Variants in SLC6A6 observed in about 807,000 individuals in gnomAD.
The protein encoded by SLC6A6 is solute carrier family 6 member 6, also known as sodium- and chloride-dependent taurine transporter.
Under a neutral mutation model 68.8 loss-of-function variants are expected in SLC6A6, and 16 were observed. That is an observed-to-expected ratio of 0.23 (90% CI 0.16 to 0.35). The LOEUF (loss-of-function observed/expected upper bound fraction) is 0.35. Ranked by LOEUF, SLC6A6 falls within the 10% of genes least tolerant of loss-of-function variation. The pLI is 1.00. For missense variants in SLC6A6, 474 were observed against 802.8 expected (o/e 0.59, Z 4.95); for synonymous variants, 312 against 315.4 (o/e 0.99, Z 0.12).
rs1030952968 is a variant in SLC6A6 at position 14,486,231 on chromosome 3, G to A, written c.*1224G>A. On this transcript the variant is annotated 3_prime_UTR_variant, in exon 15 of 15. Transcript: ENST00000622186. ...TCTCAGCCTGGGAGACTCCTGCCAA[G>A]CCCTCATTAAAGATGCCACCCTGGG... 2 of 152,630 alleles carry A rather than the reference G, an allele frequency of 1.3e-5. No individual in the cohort carries two copies. The highest frequency in any genetic ancestry group is 4.8e-5 in the African/African-American group (2 of 41,436). The allele number at this position is 152,630 out of a possible 1,614,324, so 9.5% of individuals were successfully genotyped here. A position where few individuals can be genotyped will look rare whatever the true frequency, so the allele number is the denominator to read the frequency against.
intron 6 of SLC6A6, among the ~76,000 whole-genome samples, chr3:14,459,237 G>A (rs547854058): frequency 3.0e-4 from 45 of 152,298 alleles, no homozygotes; most frequent in Admixed American, 2.4e-3. Context: ...TCAAAGGAGC[G>A]TCTTAAGGTA....
intron 13 of SLC6A6, among the ~76,000 whole-genome samples, chr3:14,480,089 T>C (rs1383956373): frequency 1.3e-5 from 2 of 152,232 alleles, no homozygotes; most frequent in Non-Finnish European, 2.9e-5. Flanking sequence ...CTTCCCTCTG[T>C]GAGCCTCAGT....
At chr3:14,416,492 A>T in intron 2 of SLC6A6, 39 bp downstream of exon 2, 1 of 398,630 alleles carries the variant, frequency 2.5e-6, no homozygotes, top group Non-Finnish European at 4.4e-6. Flanking sequence ...TGGGTGTCTC[A>T]CACGTTGTGC....
intron 5 of SLC6A6, among the ~76,000 whole-genome samples, chr3:14,448,688 A>G (rs1184589924): frequency 6.6e-6 from 1 of 152,238 alleles, no homozygotes; most frequent in Non-Finnish European, 1.5e-5. Context: ...TCTTCATGAG[A>G]GGAGTGAAGA....
At chr3:14,436,590 A>ATTTTTTTTTTT (rs1699860404) in intron 2 of SLC6A6, among the ~76,000 whole-genome samples, 10 of 110,828 alleles carry the variant, frequency 9.0e-5, no homozygotes, top group Non-Finnish European at 1.7e-4. Context: ...TTGGTGCTTA[A>ATTTTTTTTTTT]TTGTTAAACA....
rs999831942 is a variant in SLC6A6 at position 14,487,146 on chromosome 3, C to T, written c.*2139C>T. 7.2e-5 allele frequency: 11 copies of T among 152,672 alleles called. No individual in the cohort carries two copies. The highest frequency in any genetic ancestry group is 2.7e-4 in the African/African-American group (11 of 41,456). 9.5% of individuals were successfully genotyped at this position (152,672 alleles called of 1,614,324 possible). On this transcript the variant is annotated 3_prime_UTR_variant, in exon 15 of 15. Coordinates refer to ENST00000622186, the MANE Select transcript of SLC6A6 (RefSeq NM_003043.6). Reference sequence around the variant, plus strand: ...TGTGGTCATTTCAGTTTCCATCTCCCCAGCGGGGGCTCCCTGGGTGAAAGG... The same window carrying T: ...TGTGGTCATTTCAGTTTCCATCTCCTCAGCGGGGGCTCCCTGGGTGAAAGG...
chr3:14,467,782 C>T (rs1037616755), intron 7 of SLC6A6, 71 bp from the exon 8 acceptor site: 9 of 890,656 alleles, frequency 1.0e-5, no homozygotes, highest in Admixed American at 4.6e-5. Context: ...ACATAACCCT[C>T]GCTGCCTCCT....
chr3:14,476,793 G>A (rs1700888226), intron 10 of SLC6A6, among the ~76,000 whole-genome samples: 1 of 152,270 alleles, frequency 6.6e-6, no homozygotes, highest in Non-Finnish European at 1.5e-5. Flanking sequence ...AGATCAGTGA[G>A]GGAGGTTGTC....
chr3:14,409,568 C>T (rs916518293), intron 1 of SLC6A6, among the ~76,000 whole-genome samples: 1 of 152,258 alleles, frequency 6.6e-6, no homozygotes, highest in Non-Finnish European at 1.5e-5. Context: ...GGCAAACGTT[C>T]ATGAGTGCCT....
At chr3:14,456,425 T>G (rs942193082) in intron 5 of SLC6A6, among the ~76,000 whole-genome samples, 9 of 152,172 alleles carry the variant, frequency 5.9e-5, no homozygotes, top group African/African-American at 2.2e-4. Context: ...CAACAGGTCT[T>G]TATTGAGGTC....
chr3:14,484,968 C>G lies in SLC6A6; in HGVS notation c.1824C>G (p.Leu608=). ...YNSRTVMNGA[L]VKPTHIIVET... The stretch of plus-strand genomic sequence containing the variant: ...CTCGCACCGTCATGAACGGCGCTCT[C>G]GTGAAACCGACCCACATCATTGTGG... The change falls in exon 15 of 15, where the codon CTC becomes CTG. Residue 608 remains leucine (L), a synonymous_variant. Transcript: ENST00000622186. The G allele has an allele frequency of 6.2e-7, 1 of 1,613,174 alleles. No individual in the cohort carries two copies. The highest frequency in any genetic ancestry group is 8.5e-7 in the Non-Finnish European group (1 of 1,179,828).
chr3:14,463,731 A>G (rs1574954307), intron 6 of SLC6A6, among the ~76,000 whole-genome samples: 1 of 151,628 alleles, frequency 6.6e-6, no homozygotes, highest in South Asian at 2.1e-4. Context: ...CTGCCTTCCC[A>G]TCCTCGGGAA....
chr3:14,481,631 G>T lies in SLC6A6; in HGVS notation c.1552-40G>T. ...TCCCAGAAGCCCCCCACCCCCCGAT[G>T]CCCAGGACCCCTCTCCTGACTGCCC... On this transcript the variant is annotated intron_variant, in intron 13 of 14. Coordinates refer to ENST00000622186, the MANE Select transcript of SLC6A6 (RefSeq NM_003043.6). The surrounding 1 kb of genome is among the most constrained non-coding windows in gnomAD (Gnocchi z 4.7). 6 of 1,426,056 alleles carry T rather than the reference G, an allele frequency of 4.2e-6. No homozygotes were observed. Among genetic ancestry groups the T allele is most frequent in the Admixed American group, 1.9e-5 (1 of 52,834 alleles). The allele number at this position is 1,426,056 out of a possible 1,614,324, so 88.3% of individuals were successfully genotyped here.
At chr3:14,424,418 C>G (rs1276797939) in intron 2 of SLC6A6, among the ~76,000 whole-genome samples, 2 of 151,586 alleles carry the variant, frequency 1.3e-5, no homozygotes, top group African/African-American at 2.4e-5. Context: ...GGGCACCAGA[C>G]AGTGAGGGCA....
At chr3:14,427,628 T>TC (rs1448288720) in intron 2 of SLC6A6, among the ~76,000 whole-genome samples, 1 of 152,100 alleles carries the variant, frequency 6.6e-6, no homozygotes, top group Admixed American at 6.6e-5. Context: ...TGTTGAGGGG[T>TC]CCCAGTGTCT....
chr3:14,412,811 C>G (rs1699279567), intron 1 of SLC6A6, among the ~76,000 whole-genome samples: 1 of 152,238 alleles, frequency 6.6e-6, no homozygotes, highest in Non-Finnish European at 1.5e-5. Context: ...TTCGTCAACT[C>G]CTCTTCTTAA....
At chr3:14,415,505 A>G (rs1699343207) in intron 1 of SLC6A6, among the ~76,000 whole-genome samples, 1 of 145,516 alleles carries the variant, frequency 6.9e-6, no homozygotes, top group South Asian at 2.4e-4. Context: ...TGAGACACCC[A>G]CTGCCCATTT....
intron 2 of SLC6A6, among the ~76,000 whole-genome samples, chr3:14,433,895 G>T (rs138959745): frequency 4.6e-5 from 7 of 151,982 alleles, no homozygotes; most frequent in African/African-American, 1.7e-4. Context: ...TAGAAGGGAA[G>T]GGTTGGTGGT....
intron 1 of SLC6A6, among the ~76,000 whole-genome samples, chr3:14,410,276 C>G (rs528765996): frequency 1.3e-5 from 2 of 152,224 alleles, no homozygotes; most frequent in African/African-American, 2.4e-5. Flanking sequence ...TGAACCCCCC[C>G]TTGACAGGGA....
Sources: allele counts gnomAD v4.1 joint callset (sites outside exome capture counted in the v4.1 genomes callset), GRCh38; gene constraint gnomAD v4.1.1; non-coding constraint Gnocchi (gnomAD v3.1); transcripts MANE v1.5; gene names NCBI Gene and HGNC (gene_info 2026-07-23, HGNC 2026-07-21).